The following SAMD12 variants were observed in gnomAD, a reference collection of about 807,000 sequenced individuals.
SAMD12 encodes the protein sterile alpha motif domain containing 12, also known as sterile alpha motif domain-containing protein 12.
A neutral mutation model predicts 15.0 loss-of-function variants in SAMD12; 9 were observed. The observed-to-expected ratio is 0.60, with a 90% CI of 0.36 to 1.05. The LOEUF is 1.05. Among genes scored for constraint, SAMD12 ranks in the 50% least tolerant of loss-of-function variants. SAMD12 has a pLI of 0.01. For missense variants in SAMD12, 230 were observed against 234.2 expected, an observed-to-expected ratio of 0.98 and a Z score of 0.12; for synonymous variants, 86 against 90.1, an observed-to-expected ratio of 0.96 and a Z score of 0.25.
At chr8:118,153,311 G>A in the SAMD12 span, among the ~76,000 whole-genome samples, 4 of 83,616 alleles carry the variant, frequency 4.8e-5, no homozygotes, top group Middle Eastern at 0.011. Context: ...TGAGTGAAGA[G>A]CCAAAGGGCA....
intron 4 of SAMD12, among the ~76,000 whole-genome samples, chr8:118,360,240 C>A (rs745677894): frequency 1.3e-5 from 2 of 152,028 alleles, no homozygotes; most frequent in Non-Finnish European, 2.9e-5. Flanking sequence ...TTTACTGTAA[C>A]AAATCTTAGT....
chr8:118,330,268 C>T (rs1467606147), intron 4 of SAMD12, among the ~76,000 whole-genome samples: 1 of 152,156 alleles, frequency 6.6e-6, no homozygotes, highest in Non-Finnish European at 1.5e-5. Flanking sequence ...GCAAGAGTTC[C>T]TGGATATGTA....
At chr8:118,454,198 A>G (rs1019013200) in intron 2 of SAMD12, among the ~76,000 whole-genome samples, 1 of 152,162 alleles carries the variant, frequency 6.6e-6, no homozygotes, top group Non-Finnish European at 1.5e-5. Flanking sequence ...CTACCTTCAC[A>G]TTTGATTGAT....
chr8:118,276,761 C>T (rs1318541891), intron 4 of SAMD12, among the ~76,000 whole-genome samples: 1 of 152,162 alleles, frequency 6.6e-6, no homozygotes, highest in Non-Finnish European at 1.5e-5. Context: ...TAACCTCTGC[C>T]TCCCAGGTTC....
chr8:118,572,554 A>G (rs1369339482), intron 2 of SAMD12, among the ~76,000 whole-genome samples: 3 of 151,272 alleles, frequency 2.0e-5, no homozygotes, highest in African/African-American at 7.3e-5. Flanking sequence ...AATCTTTCCC[A>G]TGCTGTTCTC....
intron 4 of SAMD12, among the ~76,000 whole-genome samples, chr8:118,259,295 T>A (rs867791749): frequency 6.6e-6 from 1 of 152,060 alleles, no homozygotes; most frequent in Admixed American, 6.6e-5. Flanking sequence ...TGGTTAAGAT[T>A]GAAAAAGAAT....
intron 4 of SAMD12, among the ~76,000 whole-genome samples, chr8:118,201,684 T>C (rs921293466): frequency 1.1e-4 from 17 of 152,214 alleles, no homozygotes; most frequent in African/African-American, 4.1e-4. Context: ...TGCATGAGAT[T>C]CAATCCTGGT....
intron 3 of SAMD12, among the ~76,000 whole-genome samples, chr8:118,422,102 T>G (rs1822024278): frequency 6.6e-6 from 1 of 152,342 alleles, no homozygotes; most frequent in African/African-American, 2.4e-5. Flanking sequence ...CAAAGTATTC[T>G]TATCAACAGA....
intron 3 of SAMD12, among the ~76,000 whole-genome samples, chr8:118,387,727 A>G (rs1354887271): frequency 2.0e-5 from 3 of 152,160 alleles, no homozygotes; most frequent in Admixed American, 6.5e-5. Flanking sequence ...ACAAACCTAT[A>G]TACTCCTCAA....
chr8:118,270,804 A>G (rs188067924), intron 4 of SAMD12, among the ~76,000 whole-genome samples: 1 of 152,206 alleles, frequency 6.6e-6, no homozygotes, highest in Non-Finnish European at 1.5e-5. Context: ...CTTATAATCC[A>G]AAAGACAACA....
At chr8:118,305,880 G>GC (rs1410636699) in intron 4 of SAMD12, among the ~76,000 whole-genome samples, 1 of 152,110 alleles carries the variant, frequency 6.6e-6, no homozygotes, top group Non-Finnish European at 1.5e-5. Flanking sequence ...TTGGAAGGAG[G>GC]CCGAGGGACA....
At chr8:118,292,199 C>T (rs1814415323) in intron 4 of SAMD12, among the ~76,000 whole-genome samples, 1 of 151,270 alleles carries the variant, frequency 6.6e-6, no homozygotes, top group Non-Finnish European at 1.5e-5. Flanking sequence ...GCTGTGTAAA[C>T]TGCTTGGGTG....
intron 3 of SAMD12, among the ~76,000 whole-genome samples, chr8:118,424,827 G>A (rs1324458434): frequency 6.6e-6 from 1 of 152,082 alleles, no homozygotes; most frequent in East Asian, 1.9e-4. Context: ...AGAGTCATTG[G>A]TCTACTTAGC....
intron 4 of SAMD12, among the ~76,000 whole-genome samples, chr8:118,212,363 TATA>T (rs1179639713): frequency 1.3e-5 from 2 of 152,198 alleles, no homozygotes; most frequent in Non-Finnish European, 2.9e-5. Context: ...TAAACTATGA[TATA>T]ATGCTTTTTA....
intron 3 of SAMD12, among the ~76,000 whole-genome samples, chr8:118,396,286 GA>G (rs1820561773): frequency 2.0e-5 from 3 of 152,056 alleles, no homozygotes; most frequent in Non-Finnish European, 4.4e-5. Context: ...TTTTCTATGT[GA>G]AAGTTAAATT....
intron 4 of SAMD12, among the ~76,000 whole-genome samples, chr8:118,315,815 G>C (rs1007271560): frequency 3.9e-5 from 6 of 152,110 alleles, no homozygotes; most frequent in Non-Finnish European, 7.4e-5. Flanking sequence ...CTGTGGGACT[G>C]TTAGAAACTT....
chr8:118,386,240 C>A (rs1347057762), intron 3 of SAMD12, among the ~76,000 whole-genome samples: 1 of 152,182 alleles, frequency 6.6e-6, no homozygotes, highest in Non-Finnish European at 1.5e-5. Context: ...GGCCACACTC[C>A]TTCTGGAAGC....
chr8:118,345,123 T>A (rs1817570500), intron 4 of SAMD12, among the ~76,000 whole-genome samples: 1 of 152,224 alleles, frequency 6.6e-6, no homozygotes, highest in East Asian at 1.9e-4. Context: ...TTTTATTTTT[T>A]ATCCTGCATT....
intron 4 of SAMD12, among the ~76,000 whole-genome samples, chr8:118,333,712 A>T (rs1290073802): frequency 1.3e-5 from 2 of 152,250 alleles, no homozygotes; most frequent in Non-Finnish European, 2.9e-5. Context: ...TATGTACCCC[A>T]TTCTCCTCTA....
Sources: gnomAD v4.1 joint callset for allele counts (sites outside exome capture counted in the v4.1 genomes callset) on GRCh38, gnomAD v4.1.1 for gene constraint, MANE v1.5 for transcripts, NCBI Gene and HGNC (gene_info 2026-07-23, HGNC 2026-07-21) for gene names.